ICE2: variants seen among roughly 807,000 people sequenced by gnomAD.
The protein encoded by ICE2 is interactor of little elongation complex ELL subunit 2.
ICE2 carries 87 observed loss-of-function variants against 105.4 expected under a neutral mutation model. The observed-to-expected ratio is 0.83, with a 90% CI of 0.69 to 0.99. ICE2 has a LOEUF of 0.99. Among genes scored for constraint, ICE2 ranks in the 50% least tolerant of loss-of-function variants. ICE2 has a pLI of 0.00. For missense variants in ICE2, 1,323 were observed against 1,146.7 expected, an observed-to-expected ratio of 1.15 and a Z score of -2.22; for synonymous variants, 399 against 392.0, an observed-to-expected ratio of 1.02 and a Z score of -0.21.
chr15:60,467,921 G>T, intron 4 of ICE2, 140 bp downstream of exon 4: 1 of 704,214 alleles, frequency 1.4e-6, no homozygotes, highest in Non-Finnish European at 2.2e-6. Context: ...AAGAATTAAA[G>T]CACCATTGCT....
chr15:60,423,847 A>G, intron 15 of ICE2, 85 bp from the exon 16 acceptor site: 1 of 1,196,782 alleles, frequency 8.4e-7, no homozygotes, highest in East Asian at 2.8e-5. Flanking sequence ...TTATACATGT[A>G]TTAACCACCT....
At chr15:60,468,945 T>C (rs1263980549) in intron 3 of ICE2, among the ~76,000 whole-genome samples, 1 of 152,234 alleles carries the variant, frequency 6.6e-6, no homozygotes, top group Non-Finnish European at 1.5e-5. Context: ...TTTTCATGGA[T>C]GCCAAAGAAA....
intron 15 of ICE2, 129 bp from the exon 16 acceptor site, chr15:60,423,891 G>T: frequency 2.5e-6 from 2 of 795,964 alleles, no homozygotes; most frequent in Non-Finnish European, 3.5e-6. Context: ...TTCATCTCCA[G>T]CTAGCTGGCT....
chr15:60,460,637 T>C (rs563349932), intron 5 of ICE2, among the ~76,000 whole-genome samples: 197 of 152,298 alleles, frequency 1.3e-3, no homozygotes, highest in Non-Finnish European at 2.4e-3. Context: ...TTCTTTGTAG[T>C]GTTAGGCTGT....
intron 5 of ICE2, among the ~76,000 whole-genome samples, chr15:60,463,931 A>T (rs561823660): frequency 6.6e-6 from 1 of 152,350 alleles, no homozygotes; most frequent in South Asian, 2.1e-4. Flanking sequence ...CAAGAGGACT[A>T]CACAGGGGGC....
Position 60,442,427 on chromosome 15 carries a change from G to T in ICE2, c.2414C>A (p.Ser805Ter). Residue 805 changes from serine (S) to a stop codon, truncating the protein, a stop_gained, in exon 12 of 16, where the codon TCA becomes TAA. Transcript: ENST00000261520. LOFTEE classifies it high-confidence loss of function. ...TTTGTATAACTTACCAACATAAAAT[G>T]AGCTGTTGGAATGCAATAAACTTTC... is the stretch of plus-strand genomic sequence containing the variant. ...WTESLLHSNS[S>*]FYVGHIDAFT... 6.3e-7 allele frequency: 1 copy of T among 1,581,250 alleles called. No individual in the cohort carries two copies. The highest frequency in any genetic ancestry group is 8.5e-7 in the Non-Finnish European group (1 of 1,172,822).
rs912762907 is a variant in ICE2, at chr15:60,476,126, C to G, written c.83G>C (p.Arg28Pro). The G allele has an allele frequency of 2.5e-6, 4 of 1,606,610 alleles. No homozygotes were observed. The African/African-American group carries it at 5.4e-5, about 22-fold the overall frequency. Reference sequence around the variant, plus strand: ...CATGGAATGATCTTTATAATTTTCTCGAGAGAAAAATGTCTTAAGGCCATT... The same window carrying G: ...CATGGAATGATCTTTATAATTTTCTGGAGAGAAAAATGTCTTAAGGCCATT... ...PKNGLKTFFSRENYKDHSMAP... is the reference protein window; with the variant it reads ...PKNGLKTFFSPENYKDHSMAP... Residue 28 changes from arginine (R) to proline (P), a missense_variant, in exon 3 of 16, where the codon CGA becomes CCA. Coordinates refer to ENST00000261520, the MANE Select transcript of ICE2 (RefSeq NM_024611.6).
intron 5 of ICE2, among the ~76,000 whole-genome samples, chr15:60,462,752 C>CAT (rs746100486): frequency 6.7e-4 from 101 of 151,788 alleles, no homozygotes; most frequent in African/African-American, 2.1e-3. Context: ...CCTCTATATA[C>CAT]ATATATATAT....
intron 11 of ICE2, chr15:60,445,697 C>T (rs1011593297): frequency 1.3e-5 from 13 of 985,120 alleles, no homozygotes; most frequent in Non-Finnish European, 1.4e-5. Context: ...CCTTACCAAG[C>T]TGTCTTGTTC....
Position 60,423,544 on chromosome 15 carries a change from T to C in ICE2, c.*90A>G. ...CTAGCTACTACAGGAAAAATGTTCC[T>C]CTTGCCTACTGATTATTTTCCCTCA... On this transcript the variant is annotated 3_prime_UTR_variant, in exon 16 of 16. Coordinates refer to ENST00000261520, the MANE Select transcript of ICE2 (RefSeq NM_024611.6). The C allele has an allele frequency of 2.4e-6, 3 of 1,262,612 alleles. No homozygotes were observed. The South Asian group carries it at 4.8e-5, about 20-fold the overall frequency. 78.2% of individuals were successfully genotyped at this position (1,262,612 alleles called of 1,614,324 possible).
chr15:60,455,548 A>T (rs2141090340), intron 6 of ICE2, 106 bp from the exon 7 acceptor site: 1 of 697,050 alleles, frequency 1.4e-6, no homozygotes, highest in East Asian at 2.7e-5. Flanking sequence ...TTATAATTCT[A>T]CTAAATGTAA....
intron 4 of ICE2, among the ~76,000 whole-genome samples, chr15:60,467,528 T>C (rs952499044): frequency 2.6e-5 from 4 of 152,190 alleles, no homozygotes; most frequent in African/African-American, 7.2e-5. Flanking sequence ...CTTACCCCTG[T>C]AGGATTAGAG....
intron 11 of ICE2, among the ~76,000 whole-genome samples, chr15:60,446,982 CT>C (rs2063835831): frequency 6.6e-6 from 1 of 152,038 alleles, no homozygotes. Context: ...AGAAGATTCC[CT>C]TTATTTACCA....
chr15:60,473,121 T>C (rs2064653366), intron 3 of ICE2, among the ~76,000 whole-genome samples: 1 of 152,132 alleles, frequency 6.6e-6, no homozygotes, highest in East Asian at 1.9e-4. Context: ...TTTTAAATTA[T>C]GTGTAGAGAC....
At position 60,449,153 on chromosome 15, in the gene ICE2, C is replaced by G. The variant is rs149160851; in HGVS notation, c.1814G>C (p.Ser605Thr). Residue 605 changes from serine to threonine, a missense_variant, in exon 10 of 16, where the codon AGT (serine) becomes ACT (threonine). By Grantham distance (58) the Ser-to-Thr change is moderately conservative (BLOSUM62 1). Coordinates refer to ENST00000261520, the MANE Select transcript of ICE2 (RefSeq NM_024611.6). ...AGCCTGTCCTGAGGAAGAATTTGGACTAGCTGGTCTGGAACTTAAGTTAGA... is the reference window on the plus strand; with the variant it reads ...AGCCTGTCCTGAGGAAGAATTTGGAGTAGCTGGTCTGGAACTTAAGTTAGA... Reference protein sequence around the residue: ...VGSNLSSRPASPNSSSGQASV... With the variant: ...VGSNLSSRPATPNSSSGQASV... The G allele has an allele frequency of 3.7e-6, 6 of 1,614,044 alleles. No individual in the cohort carries two copies. In the African/African-American group the frequency reaches 5.3e-5, roughly 14 times the overall value.
At chr15:60,434,378 C>T (rs902785971) in intron 13 of ICE2, among the ~76,000 whole-genome samples, 7 of 152,134 alleles carry the variant, frequency 4.6e-5, no homozygotes, top group Non-Finnish European at 7.4e-5. Context: ...TTCCCATGCA[C>T]GGCGGCTACT....
At chr15:60,455,469 TTGC>T (rs1336606760) in intron 6 of ICE2, 27 bp from the exon 7 acceptor site, 2 of 1,457,290 alleles carry the variant, frequency 1.4e-6, no homozygotes, top group South Asian at 2.4e-5. Flanking sequence ...AATCATTTTA[TTGC>T]AAAAATCGCA....
At chr15:60,429,938 G>C (rs895348612) in intron 14 of ICE2, among the ~76,000 whole-genome samples, 3 of 152,138 alleles carry the variant, frequency 2.0e-5, no homozygotes, top group Non-Finnish European at 4.4e-5. Flanking sequence ...GAGAATGAGA[G>C]ATACTCTAAG....
At position 60,422,535 on chromosome 15, in the gene ICE2, G is replaced by T. The variant is rs2063252577; in HGVS notation, c.*1099C>A. On this transcript the variant is annotated 3_prime_UTR_variant, in exon 16 of 16. Coordinates refer to ENST00000261520, the MANE Select transcript of ICE2 (RefSeq NM_024611.6). The stretch of plus-strand genomic sequence containing the variant: ...AATTTAAATCAATCAGTATAGATGA[G>T]GATAAAAATAGCTTATGCTGGCCAG... 6.6e-6 allele frequency: 1 copy of T among 152,082 alleles called. No individual in the cohort carries two copies. The highest frequency in any genetic ancestry group is 2.1e-4 in the South Asian group (1 of 4,828). The allele number at this position is 152,082 out of a possible 1,614,324, so 9.4% of individuals were successfully genotyped here.
Sources: gnomAD v4.1 joint callset for allele counts (sites outside exome capture counted in the v4.1 genomes callset) on GRCh38, gnomAD v4.1.1 for gene constraint, MANE v1.5 for transcripts, NCBI Gene and HGNC (gene_info 2026-07-23, HGNC 2026-07-21) for gene names.